Variants in MARCHF9 observed in about 807,000 individuals in gnomAD.
The protein encoded by MARCHF9 is membrane associated ring-CH-type finger 9, also known as E3 ubiquitin-protein ligase MARCHF9.
Under a neutral mutation model 35.2 loss-of-function variants are expected in MARCHF9, and 17 were observed. That is an observed-to-expected ratio of 0.48 (90% confidence interval 0.33 to 0.72). The LOEUF (loss-of-function observed/expected upper bound fraction) is 0.72. Ranked by LOEUF, MARCHF9 falls within the 30% of genes least tolerant of loss-of-function variation. The pLI, the probability that MARCHF9 is intolerant of heterozygous loss-of-function variation, is 0.02. For synonymous variants in MARCHF9, 183 were observed against 207.4 expected, an observed-to-expected ratio of 0.88 and a Z score of 1.01; for missense variants, 386 against 478.2, an observed-to-expected ratio of 0.81 and a Z score of 1.80.
rs1465332905 is a variant in MARCHF9 at position 57,755,789 on chromosome 12, G to A, written c.261G>A (p.Pro87=). 15 of 1,301,230 alleles carry A rather than the reference G, an allele frequency of 1.2e-5. No homozygotes were observed. The highest frequency in any genetic ancestry group is 3.7e-5 in the Admixed American group (1 of 26,808). 80.6% of individuals were successfully genotyped at this position (1,301,230 alleles called of 1,614,324 possible). A position where few individuals can be genotyped will look rare whatever the true frequency, so the allele number is the denominator to read the frequency against. The change falls in exon 1 of 4, where the codon CCG becomes CCA. Residue 87 remains proline, a synonymous_variant. Transcript: ENST00000266643. ...TGCCGCCGCCCGCGCCGCCGCTGCC[G>A]CCCCCGGGCGCGCTGGACGCCCTGT... ...GPLPPPAPPL[P]PPGALDALSL...
chr12:57,758,468 C>A lies in MARCHF9; in HGVS notation c.707-95C>A. On this transcript the variant is annotated intron_variant, in intron 3 of 3. Transcript: ENST00000266643. The surrounding 1 kb of genome is among the most constrained non-coding windows in gnomAD (Gnocchi z 5.4). ...CCTGCTTCTCCAGGGCCCTTTGCAA[C>A]TGTATCTTCTCACTCTGAAGAAATG... 7.1e-7 allele frequency: 1 copy of A among 1,399,530 alleles called. No individual in the cohort carries two copies. The highest frequency in any genetic ancestry group is 9.6e-7 in the Non-Finnish European group (1 of 1,039,810). 86.7% of individuals were successfully genotyped at this position (1,399,530 alleles called of 1,614,324 possible). A position where few individuals can be genotyped will look rare whatever the true frequency, so the allele number is the denominator to read the frequency against.
rs1191891767 is a variant in MARCHF9, at chr12:57,758,041, C to T, written c.514-67C>T. ...AAGGTTCCTGGAGCACCCTGCTCTT[C>T]AGGGCCACCCATCACCTGGCCCTCC... On this transcript the variant is annotated intron_variant, in intron 2 of 3. Transcript: ENST00000266643. The surrounding 1 kb of genome is among the most constrained non-coding windows in gnomAD (Gnocchi z 5.4). The T allele has an allele frequency of 6.4e-7, 1 of 1,565,390 alleles. No individual in the cohort carries two copies. The highest frequency in any genetic ancestry group is 1.7e-5 in the Admixed American group (1 of 59,972).
At chr12:57,757,651 GAAAA>G in intron 2 of MARCHF9, 15 of 250,614 alleles carry the variant, frequency 6.0e-5, no homozygotes, top group East Asian at 8.7e-5. Flanking sequence ...CGTCTCGAAG[GAAAA>G]AAAAAAAAAA....
chr12:57,757,624 G>C (rs1486767110), intron 2 of MARCHF9: 1 of 267,630 alleles, frequency 3.7e-6, no homozygotes, highest in Non-Finnish European at 7.2e-6. Context: ...TCCAGCCTGG[G>C]CAACAGAGCA....
rs1025132190 is a variant in MARCHF9 at position 57,758,582 on chromosome 12, C to G, written c.726C>G (p.Gly242=). 1 of 1,610,336 alleles carries G rather than the reference C, an allele frequency of 6.2e-7. No individual in the cohort carries two copies. The change falls in exon 4 of 4, where the codon GGC becomes GGG. Residue 242 remains glycine (G), a synonymous_variant. Coordinates refer to ENST00000266643, the MANE Select transcript of MARCHF9 (RefSeq NM_138396.6). The surrounding 1 kb of genome is among the most constrained non-coding windows in gnomAD (Gnocchi z 5.4). ...VVCIGLIIHE[G]SSVYRIFKRW... is the part of the protein sequence containing the mutation. ...GCTCAGGCCTCATCATCCATGAAGG[C>G]TCCTCTGTCTACCGCATCTTCAAGC... is the stretch of plus-strand genomic sequence containing the variant.
chr12:57,756,823 T>G, intron 1 of MARCHF9, 106 bp from the exon 2 acceptor site: 1 of 1,232,194 alleles, frequency 8.1e-7, no homozygotes, highest in Non-Finnish European at 1.1e-6. Flanking sequence ...CTGAGTTATT[T>G]AAGGTGGGAA....
Position 57,758,238 on chromosome 12 carries a change from G to A in MARCHF9, c.644G>A (p.Arg215Gln). ...CTCAGCCCTTCAGCCAAGTGGCAAC[G>A]ACAGGATCTGCTCTTTCAGATCTGC... ...SSLSPSAKWQ[R>Q]QDLLFQICYG... The change falls in exon 3 of 4, where the codon CGA becomes CAA. Residue 215 changes from arginine (R) to glutamine (Q), a missense_variant. Around this residue, in one of 3 missense-constraint regions of MARCHF9, gnomAD observed 219 missense variants for 316.2 expected, o/e 0.69. Transcript: ENST00000266643. This position sits in a 1 kb window ranked among gnomAD's most constrained non-coding sequence, Gnocchi z 5.4. 2.5e-6 allele frequency: 4 copies of A among 1,614,208 alleles called. No homozygotes were observed. Among genetic ancestry groups the A allele is most frequent in the Non-Finnish European group, 3.4e-6 (4 of 1,180,028 alleles).
rs778448763 is a variant in MARCHF9 at position 57,758,850 on chromosome 12, A to G, written c.994A>G (p.Ser332Gly). ...GQLRPPDARS[S>G]SHSGREVVMR... ...GCTGCGGCCACCAGATGCCCGTTCC[A>G]GCTCCCATTCTGGCCGAGAGGTTGT... Residue 332 changes from serine (S) to glycine (G), a missense_variant, in exon 4 of 4, where the codon AGC (serine) becomes GGC (glycine). Ser to Gly is a moderately conservative substitution (Grantham distance 56). Coordinates refer to ENST00000266643, the MANE Select transcript of MARCHF9 (RefSeq NM_138396.6). The surrounding 1 kb of genome is among the most constrained non-coding windows in gnomAD (Gnocchi z 5.4). 6.2e-7 allele frequency: 1 copy of G among 1,609,424 alleles called. No individual in the cohort carries two copies. The highest frequency in any genetic ancestry group is 1.1e-5 in the South Asian group (1 of 90,874).
chr12:57,758,069 C>A lies in MARCHF9; in HGVS notation c.514-39C>A, dbSNP rs1453499806. On this transcript the variant is annotated intron_variant, in intron 2 of 3. Coordinates refer to ENST00000266643, the MANE Select transcript of MARCHF9 (RefSeq NM_138396.6). This position sits in a 1 kb window ranked among gnomAD's most constrained non-coding sequence, Gnocchi z 5.4. ...GGCCACCCATCACCTGGCCCTCCAT[C>A]CCTTTCTGGGACTCTTTGGAGCCCT... 1 of 1,613,120 alleles carries A rather than the reference C, an allele frequency of 6.2e-7. No homozygotes were observed. Among genetic ancestry groups the A allele is most frequent in the South Asian group, 1.1e-5 (1 of 91,070 alleles).
At position 57,758,936 on chromosome 12, in the gene MARCHF9, A is replaced by C; in HGVS notation, c.*39A>C. On this transcript the variant is annotated 3_prime_UTR_variant, in exon 4 of 4. Coordinates refer to ENST00000266643, the MANE Select transcript of MARCHF9 (RefSeq NM_138396.6). The surrounding 1 kb of genome is among the most constrained non-coding windows in gnomAD (Gnocchi z 5.4). Reference sequence around the variant, plus strand: ...AGCAGGGATCTTGAGTCAATGCATCAGTCAGAGAAGAACTCTCATGGCTGC... The same window carrying C: ...AGCAGGGATCTTGAGTCAATGCATCCGTCAGAGAAGAACTCTCATGGCTGC... 1 of 1,514,246 alleles carries C rather than the reference A, an allele frequency of 6.6e-7. No individual in the cohort carries two copies. The highest frequency in any genetic ancestry group is 8.9e-7 in the Non-Finnish European group (1 of 1,123,454). 93.8% of individuals were successfully genotyped at this position (1,514,246 alleles called of 1,614,324 possible).
Position 57,756,995 on chromosome 12 carries a change from C to A in MARCHF9, c.424C>A (p.Arg142Ser), listed in dbSNP as rs898439037. The A allele has an allele frequency of 6.3e-7, 1 of 1,597,892 alleles. No homozygotes were observed. The highest frequency in any genetic ancestry group is 2.3e-5 in the East Asian group (1 of 44,178). The change falls in exon 2 of 4, where the codon CGC becomes AGC. Residue 142 changes from arginine (R) to serine (S), a missense_variant. Physicochemically the swap from Arg to Ser is moderately radical, Grantham distance 110. This residue lies in a region of MARCHF9 where 219 missense variants were observed against 316.2 expected (regional missense o/e 0.69). Coordinates refer to ENST00000266643, the MANE Select transcript of MARCHF9 (RefSeq NM_138396.6). Reference protein sequence around the residue: ...VRCTHQPCLIRWISERGSWSC... With the variant: ...VRCTHQPCLISWISERGSWSC... ...CTGCACGCATCAGCCCTGCCTCATCCGCTGGATCAGCGAGAGGGGCTCCTG... is the reference window on the plus strand; with the variant it reads ...CTGCACGCATCAGCCCTGCCTCATCAGCTGGATCAGCGAGAGGGGCTCCTG...
chr12:57,757,361 G>C, intron 2 of MARCHF9: 2 of 261,652 alleles, frequency 7.6e-6, no homozygotes, highest in East Asian at 7.4e-5. Flanking sequence ...AGAAAGAAAA[G>C]AAAAAAAAAA....
chr12:57,759,381 G>A lies in MARCHF9; in HGVS notation c.*484G>A, dbSNP rs1955306878. On this transcript the variant is annotated 3_prime_UTR_variant, in exon 4 of 4. Transcript: ENST00000266643. ...AGTTCCCCCTGCTCCATCCCCCATT[G>A]CATGGGGGAAGGGCATAAAGAATCA... 1 of 154,530 alleles carries A rather than the reference G, an allele frequency of 6.5e-6. No individual in the cohort carries two copies. The highest frequency in any genetic ancestry group is 2.0e-4 in the South Asian group (1 of 4,948). The allele number at this position is 154,530 out of a possible 1,614,324, so 9.6% of individuals were successfully genotyped here.
Position 57,758,389 on chromosome 12 carries a change from A to C in MARCHF9, c.706+89A>C. The C allele has an allele frequency of 1.4e-6, 2 of 1,444,268 alleles. No individual in the cohort carries two copies. The highest frequency in any genetic ancestry group is 1.9e-6 in the Non-Finnish European group (2 of 1,075,632). 89.5% of individuals were successfully genotyped at this position (1,444,268 alleles called of 1,614,324 possible). On this transcript the variant is annotated intron_variant, in intron 3 of 3. Transcript: ENST00000266643. The surrounding 1 kb of genome is among the most constrained non-coding windows in gnomAD (Gnocchi z 5.4). ...CCCATCCCCTCAGTTTCCTGGCTTT[A>C]TTTTCTGCCACTGTAGCCTTTAGTG...
At chr12:57,756,283 C>T (rs900521440) in intron 1 of MARCHF9, among the ~76,000 whole-genome samples, 3 of 152,184 alleles carry the variant, frequency 2.0e-5, no homozygotes, top group African/African-American at 7.2e-5. Flanking sequence ...CTCAGTATTT[C>T]TCCCCGTGGG....
chr12:57,755,469 C>G lies in MARCHF9; in HGVS notation c.-60C>G. 1.5e-6 allele frequency: 1 copy of G among 660,602 alleles called. No individual in the cohort carries two copies. Among genetic ancestry groups the G allele is most frequent in the Non-Finnish European group, 2.1e-6 (1 of 475,432 alleles). 40.9% of individuals were successfully genotyped at this position (660,602 alleles called of 1,614,324 possible). On this transcript the variant is annotated 5_prime_UTR_variant, in exon 1 of 4. Coordinates refer to ENST00000266643, the MANE Select transcript of MARCHF9 (RefSeq NM_138396.6). ...CCCCTTCCCGGCCTTGTCCTCTCCC[C>G]TCCCCCCGCCGCTAGCGAGCCCCCC...
chr12:57,756,912 C>A lies in MARCHF9; in HGVS notation c.358-17C>A. The A allele has an allele frequency of 6.6e-7, 1 of 1,504,150 alleles. No individual in the cohort carries two copies. Among genetic ancestry groups the A allele is most frequent in the Admixed American group, 2.2e-5 (1 of 45,524 alleles). The allele number at this position is 1,504,150 out of a possible 1,614,324, so 93.2% of individuals were successfully genotyped here. A position where few individuals can be genotyped will look rare whatever the true frequency, so the allele number is the denominator to read the frequency against. ...GGTGGTGATGGCTGACAGGGCCCCT[C>A]CTCACTCTTCCTCCAGGGGGAGCTC... On this transcript the variant is annotated splice_polypyrimidine_tract_variant and intron_variant, in intron 1 of 3. Transcript: ENST00000266643.
Position 57,755,854 on chromosome 12 carries a change from A to G in MARCHF9, c.326A>G (p.Gln109Arg), listed in dbSNP as rs759734584. 42 of 1,528,698 alleles carry G rather than the reference A, an allele frequency of 2.7e-5. No homozygotes were observed. Among genetic ancestry groups the G allele is most frequent in the East Asian group, 1.6e-4 (6 of 37,458 alleles). 94.7% of individuals were successfully genotyped at this position (1,528,698 alleles called of 1,614,324 possible). ...SSLDSGLRTP[Q>R]CRICFQGPEQ... ...CTGGACAGCGGACTCCGAACCCCTCAGTGCCGGATCTGCTTCCAGGGCCCG... is the reference window on the plus strand; with the variant it reads ...CTGGACAGCGGACTCCGAACCCCTCGGTGCCGGATCTGCTTCCAGGGCCCG... Residue 109 changes from glutamine to arginine, a missense_variant, in exon 1 of 4, where the codon CAG (glutamine) becomes CGG (arginine). Physicochemically the swap from Gln to Arg is conservative, Grantham distance 43. This residue lies in a region of MARCHF9 where 219 missense variants were observed against 316.2 expected (regional missense o/e 0.69). Transcript: ENST00000266643.
intron 2 of MARCHF9, 123 bp from the exon 3 acceptor site, chr12:57,757,985 C>T (rs757202857): frequency 1.1e-6 from 1 of 931,154 alleles, no homozygotes; most frequent in South Asian, 1.3e-5. Context: ...ACAGAGAAGA[C>T]AGATGTTGAT....
Sources: allele counts gnomAD v4.1 joint callset (sites outside exome capture counted in the v4.1 genomes callset), GRCh38; gene constraint gnomAD v4.1.1; regional missense constraint gnomAD v4.1.1; non-coding constraint Gnocchi (gnomAD v3.1); transcripts MANE v1.5; gene names NCBI Gene and HGNC (gene_info 2026-07-23, HGNC 2026-07-21).